The following PRR5 variants were observed in gnomAD, a reference collection of about 807,000 sequenced individuals.
The protein encoded by PRR5 is proline rich 5.
Under a neutral mutation model 30.6 loss-of-function variants are expected in PRR5, and 25 were observed. The ratio of observed to expected loss-of-function variants is 0.82; its 90% confidence interval spans 0.60 to 1.14. The LOEUF is 1.14. Among genes scored for constraint, PRR5 ranks in the 50% most tolerant of loss-of-function variants. The pLI is 0.00. For missense variants in PRR5, 600 were observed against 547.1 expected (o/e 1.10, Z -0.96); for synonymous variants, 286 against 247.1 (o/e 1.16, Z -1.48).
upstream of PRR5, among the ~76,000 whole-genome samples, chr22:44,675,853 C>A (rs989807443): frequency 6.6e-6 from 1 of 151,622 alleles, no homozygotes; most frequent in Non-Finnish European, 1.5e-5. Context: ...GAGCCAGATT[C>A]TCTGCAGTCC....
At position 44,686,757 on chromosome 22, in the gene PRR5, G is replaced by A. The variant is rs140630031; in HGVS notation, c.-11+9517G>A. Among the ~76,000 whole-genome samples the A allele has an allele frequency of 7.4e-3, 1,128 of 152,186 alleles. 25 individuals are homozygous for A. Among genetic ancestry groups the A allele is most frequent in the African/African-American group, 0.026 (1,068 of 41,512 alleles). The stretch of plus-strand genomic sequence containing the variant: ...TCTTGAACTCCTGACTTCATGATCC[G>A]CCTGCCTTGGCCTCCCAAAGTAATT... On this transcript the variant is annotated intron_variant, in intron 1 of 8. Transcript: ENST00000006251.
At chr22:44,715,680 G>T (rs764963379) in intron 2 of PRR5, among the ~76,000 whole-genome samples, 2 of 152,016 alleles carry the variant, frequency 1.3e-5, no homozygotes, top group African/African-American at 2.4e-5. Context: ...TTTGAGACGG[G>T]GTCTTGCTCT....
chr22:44,685,173 T>C (rs1417976330), intron 1 of PRR5, among the ~76,000 whole-genome samples: 1 of 152,038 alleles, frequency 6.6e-6, no homozygotes, highest in Non-Finnish European at 1.5e-5. Flanking sequence ...GGTCGGAGGG[T>C]AGATGGGTAC....
At chr22:44,731,671 G>A in intron 4 of PRR5, 59 bp from the exon 5 acceptor site, 1 of 1,554,008 alleles carries the variant, frequency 6.4e-7, no homozygotes, top group South Asian at 1.1e-5. Context: ...CATCCTGGGT[G>A]AGTGGAGGCA....
At chr22:44,686,281 A>G (rs1027011383) in intron 1 of PRR5, among the ~76,000 whole-genome samples, 1 of 151,676 alleles carries the variant, frequency 6.6e-6, no homozygotes, top group Non-Finnish European at 1.5e-5. Flanking sequence ...AAGTTCCCCT[A>G]TTGGGCACCT....
rs183905263 is a variant in PRR5, at chr22:44,679,589, C to G, written c.-11+2349C>G. ...AGGCATTGTGGCGCATGCCTGTAAT[C>G]CCGGCTACTCGGGAGGCTGAGGGAG... On this transcript the variant is annotated intron_variant, in intron 1 of 8. Coordinates refer to the PRR5 transcript ENST00000006251. 24 of 455,974 alleles carry G rather than the reference C, an allele frequency of 5.3e-5. No individual in the cohort carries two copies. The Admixed American group carries it at 7.9e-4, about 15-fold the overall frequency. 28.2% of individuals were successfully genotyped at this position (455,974 alleles called of 1,614,324 possible). A position where few individuals can be genotyped will look rare whatever the true frequency, so the allele number is the denominator to read the frequency against.
At chr22:44,706,879 G>GC (rs1927294843) in intron 1 of PRR5, among the ~76,000 whole-genome samples, 1 of 151,722 alleles carries the variant, frequency 6.6e-6, no homozygotes. Flanking sequence ...TGCCGGCCGG[G>GC]CCCCCCTTAC....
At chr22:44,730,309 A>G (rs1921712979) in intron 4 of PRR5, 1 of 985,332 alleles carries the variant, frequency 1.0e-6, no homozygotes, top group African/African-American at 1.7e-5. Flanking sequence ...AGAGGCGCCC[A>G]CACCAAGATC....
chr22:44,682,693 C>G (rs989953948), intron 1 of PRR5, among the ~76,000 whole-genome samples: 1 of 152,180 alleles, frequency 6.6e-6, no homozygotes, highest in Non-Finnish European at 1.5e-5. Flanking sequence ...ATGGCTCTCT[C>G]GACACGGGAA....
At position 44,670,697 on chromosome 22, in the gene PRR5, G is replaced by GT. The variant is rs201280710; in HGVS notation, c.-11+1898dup. Among the ~76,000 whole-genome samples, 1,050 of 152,314 alleles carry GT rather than the reference G, an allele frequency of 6.9e-3. 15 individuals are homozygous for GT. The highest frequency in any genetic ancestry group is 0.024 in the African/African-American group (1,004 of 41,556). ...TGCAGAAACATTTGTGAGCTAATGGGTTTTTTGTTTCTAAGGGATGGCTTA... is the reference window on the plus strand; with the variant it reads ...TGCAGAAACATTTGTGAGCTAATGGGTTTTTTTGTTTCTAAGGGATGGCTTA... On this transcript the variant is annotated intron_variant, in intron 1 of 8. Coordinates refer to the PRR5 transcript ENST00000432186.
At chr22:44,731,650 C>T (rs576984010) in intron 4 of PRR5, 80 bp from the exon 5 acceptor site, 5 of 1,449,822 alleles carry the variant, frequency 3.4e-6, no homozygotes, top group African/African-American at 1.4e-5. Context: ...CTCCCGCATC[C>T]TCTGATGACC....
rs761086972 is a variant in PRR5 at position 44,679,893 on chromosome 22, T to TGTGCCGAAGGGTGGCTACG, written c.-11+2654_-11+2672dup. On this transcript the variant is annotated intron_variant, in intron 1 of 8. Coordinates refer to the PRR5 transcript ENST00000006251. Reference sequence around the variant, plus strand: ...GCCTGAGGGCTTGTACAGGTGCCACTGTGCCGAAGGGTGGCTACGAGGGAG... The same window carrying TGTGCCGAAGGGTGGCTACG: ...GCCTGAGGGCTTGTACAGGTGCCACTGTGCCGAAGGGTGGCTACGGTGCCGAAGGGTGGCTACGAGGGAG... The TGTGCCGAAGGGTGGCTACG allele has an allele frequency of 3.2e-6, 5 of 1,571,898 alleles. No individual in the cohort carries two copies. In the South Asian group the frequency reaches 4.7e-5, roughly 15 times the overall value.
intron 1 of PRR5, among the ~76,000 whole-genome samples, chr22:44,694,526 C>G (rs1925575529): frequency 6.6e-6 from 1 of 152,160 alleles, no homozygotes; most frequent in Admixed American, 6.5e-5. Context: ...GAGCAAGACT[C>G]CATCCATGCA....
chr22:44,709,449 G>A (rs1165023106), intron 1 of PRR5, among the ~76,000 whole-genome samples: 3 of 152,154 alleles, frequency 2.0e-5, no homozygotes, highest in African/African-American at 7.2e-5. Context: ...GCCAAAGAAT[G>A]TGGGCACCTC....
chr22:44,720,180 A>G (rs538367123), intron 2 of PRR5, among the ~76,000 whole-genome samples: 2 of 152,354 alleles, frequency 1.3e-5, no homozygotes, highest in East Asian at 1.9e-4. Flanking sequence ...TGCTCAGCTC[A>G]GCTCAGGCCA....
intron 2 of PRR5, among the ~76,000 whole-genome samples, chr22:44,723,546 C>A (rs1487229842): frequency 6.6e-6 from 1 of 151,920 alleles, no homozygotes; most frequent in Non-Finnish European, 1.5e-5. Flanking sequence ...ATGGTGAAAC[C>A]CTGTCTCTAC....
chr22:44,721,970 G>A (rs1647670053), intron 2 of PRR5, among the ~76,000 whole-genome samples: 1 of 152,246 alleles, frequency 6.6e-6, no homozygotes, highest in African/African-American at 2.4e-5. Context: ...ATGCTGCGTG[G>A]ACGTGGGGAT....
upstream of PRR5, among the ~76,000 whole-genome samples, chr22:44,700,043 C>G (rs1394272918): frequency 6.6e-6 from 1 of 152,034 alleles, no homozygotes; most frequent in Non-Finnish European, 1.5e-5. Flanking sequence ...GGGCTAGGCA[C>G]AGTAGTTCAT....
intron 1 of PRR5, among the ~76,000 whole-genome samples, chr22:44,693,092 C>T (rs1238326304): frequency 6.6e-6 from 1 of 152,056 alleles, no homozygotes; most frequent in Non-Finnish European, 1.5e-5. Flanking sequence ...GGAGTGGGCT[C>T]TGTTTGGGGA....
Sources: allele counts gnomAD v4.1 joint callset (sites outside exome capture counted in the v4.1 genomes callset), GRCh38; gene constraint gnomAD v4.1.1; transcripts MANE v1.5; gene names NCBI Gene and HGNC (gene_info 2026-07-23, HGNC 2026-07-21).